The following TBL1X variants were observed in gnomAD, a reference collection of about 807,000 sequenced individuals.
The protein encoded by TBL1X is transducin beta like 1 X-linked, also known as F-box-like/WD repeat-containing protein TBL1X.
TBL1X carries 10 observed loss-of-function variants against 50.7 expected under a neutral mutation model. The observed-to-expected ratio is 0.20, with a 90% CI of 0.12 to 0.33. The LOEUF (loss-of-function observed/expected upper bound fraction) is 0.33. TBL1X is among the 10% of genes least tolerant of loss of function. TBL1X has a pLI of 1.00. For missense variants in TBL1X, 340 were observed against 504.4 expected, an observed-to-expected ratio of 0.67 and a Z score of 3.12; for synonymous variants, 190 against 214.7, an observed-to-expected ratio of 0.88 and a Z score of 1.01.
intron 1 of TBL1X, among the ~76,000 whole-genome samples, chrX:9,467,678 G>A (rs748357042): frequency 1.8e-5 from 2 of 110,310 alleles, no homozygotes; most frequent in Admixed American, 9.7e-5. Flanking sequence ...TTAGTTAGCC[G>A]GAGACTGGAC....
chrX:9,682,338 G>C (rs766159874), intron 5 of TBL1X, among the ~76,000 whole-genome samples: 1 of 112,009 alleles, frequency 8.9e-6, no homozygotes, highest in East Asian at 2.8e-4. Flanking sequence ...AACCTGGAAG[G>C]GCGTCCTTTG....
rs180990584 is a variant in TBL1X, at chrX:9,605,323, C to G, written c.-130-34950C>G. On this transcript the variant is annotated intron_variant, in intron 2 of 17. Coordinates refer to ENST00000645353, the MANE Select transcript of TBL1X (RefSeq NM_005647.4). ...GTATGATGTCACACTCATAAACAAGCTAAGCACACAAACTGGAATTTCACT... is the reference window on the plus strand; with the variant it reads ...GTATGATGTCACACTCATAAACAAGGTAAGCACACAAACTGGAATTTCACT... Among the ~76,000 whole-genome samples the G allele has an allele frequency of 3.3e-3, 366 of 112,221 alleles. 1 individual carries two copies. Among genetic ancestry groups the G allele is most frequent in the African/African-American group, 0.011 (352 of 30,909 alleles).
At chrX:9,528,421 C>T (rs1379315794) in intron 2 of TBL1X, among the ~76,000 whole-genome samples, 2 of 110,549 alleles carry the variant, frequency 1.8e-5, no homozygotes, top group African/African-American at 3.3e-5. Flanking sequence ...GGAGTTCTCC[C>T]GAGGCCCTGA....
chrX:9,605,188 T>C (rs1169763284), intron 2 of TBL1X, among the ~76,000 whole-genome samples: 1 of 110,641 alleles, frequency 9.0e-6, no homozygotes, highest in Non-Finnish European at 1.9e-5. Context: ...GTGGTGAAGA[T>C]AGGGGATATG....
intron 2 of TBL1X, among the ~76,000 whole-genome samples, chrX:9,579,202 G>A (rs1178679961): frequency 8.9e-6 from 1 of 112,125 alleles, no homozygotes; most frequent in East Asian, 2.8e-4. Context: ...TAAGAGTCTA[G>A]CTCCACAACA....
rs746179412 is a variant in TBL1X, at chrX:9,671,224, G to A, written c.212-12819G>A. 3.6e-5 allele frequency among the ~76,000 whole-genome samples: 4 copies of A among 112,586 alleles called. No homozygotes were observed. In the South Asian group the frequency reaches 1.1e-3, roughly 31 times the overall value. On this transcript the variant is annotated intron_variant, in intron 5 of 17. Transcript: ENST00000645353. ...AATCAGCAAGGGGAAAAGGCATAAG[G>A]CACGAAGTCCAGGTGAAACTAGGCA...
chrX:9,604,791 G>T (rs1050964336), intron 2 of TBL1X, among the ~76,000 whole-genome samples: 1 of 110,978 alleles, frequency 9.0e-6, no homozygotes, highest in African/African-American at 3.3e-5. Context: ...CACCAGCGGG[G>T]CTTCTGAGCC....
chrX:9,475,293 C>T (rs1055275281), intron 1 of TBL1X, among the ~76,000 whole-genome samples: 12 of 110,720 alleles, frequency 1.1e-4, no homozygotes, highest in African/African-American at 3.6e-4. Context: ...CTGGCTCTGT[C>T]GCCCAGGCTG....
chrX:9,630,606 TA>T lies in TBL1X; in HGVS notation c.-130-9666del, dbSNP rs201025029. ...TTGTATTGTTTTTATTTTTTAAAAA[TA>T]TTTTTTTTCTTTCTTTTTTTGACAC... is the stretch of plus-strand genomic sequence containing the variant. On this transcript the variant is annotated intron_variant, in intron 2 of 17. Coordinates refer to ENST00000645353, the MANE Select transcript of TBL1X (RefSeq NM_005647.4). 8.0e-3 allele frequency among the ~76,000 whole-genome samples: 900 copies of T among 112,660 alleles called. 11 individuals are homozygous for T. The highest frequency in any genetic ancestry group is 0.027 in the African/African-American group (848 of 31,029).
chrX:9,509,902 T>C (rs1300750302), intron 2 of TBL1X, among the ~76,000 whole-genome samples: 1 of 111,180 alleles, frequency 9.0e-6, no homozygotes, highest in Non-Finnish European at 1.9e-5. Flanking sequence ...GTTGGCTGTG[T>C]GTGTGGAGGG....
At chrX:9,516,989 T>C (rs183215163) in intron 2 of TBL1X, among the ~76,000 whole-genome samples, 2 of 111,883 alleles carry the variant, frequency 1.8e-5, no homozygotes, top group East Asian at 5.6e-4. Flanking sequence ...GTCTTGCTAT[T>C]TTGTTACAGC....
chrX:9,603,044 G>A (rs993999072), intron 2 of TBL1X, among the ~76,000 whole-genome samples: 1 of 112,532 alleles, frequency 8.9e-6, no homozygotes, highest in African/African-American at 3.2e-5. Flanking sequence ...CCTGGAAGGT[G>A]AGCATCAAAG....
chrX:9,617,854 A>G (rs2082646964), intron 2 of TBL1X, among the ~76,000 whole-genome samples: 1 of 112,061 alleles, frequency 8.9e-6, no homozygotes, highest in Non-Finnish European at 1.9e-5. Context: ...GAACAGTCAC[A>G]TTCTCATGGC....
chrX:9,498,504 G>A (rs894901103), intron 1 of TBL1X, among the ~76,000 whole-genome samples: 7 of 112,724 alleles, frequency 6.2e-5, no homozygotes, highest in African/African-American at 1.9e-4. Context: ...GATGTGCAGC[G>A]TGCAGCCCTG....
rs377087417 is a variant in TBL1X at position 9,713,718 on chromosome X, G to A, written c.1606-1184G>A. 1.3e-4 allele frequency among the ~76,000 whole-genome samples: 14 copies of A among 108,494 alleles called. No homozygotes were observed. In the South Asian group the frequency reaches 3.6e-3, roughly 28 times the overall value. 94.2% of individuals were successfully genotyped at this position (108,494 alleles called of 115,157 possible). Reference sequence around the variant, plus strand: ...GCTGGGATTACAGGCATGAGCCACCGCGCCCGGCCAAGAAATCCTTAGGAA... The same window carrying A: ...GCTGGGATTACAGGCATGAGCCACCACGCCCGGCCAAGAAATCCTTAGGAA... On this transcript the variant is annotated intron_variant, in intron 16 of 17. Coordinates refer to ENST00000645353, the MANE Select transcript of TBL1X (RefSeq NM_005647.4).
intron 2 of TBL1X, among the ~76,000 whole-genome samples, chrX:9,612,189 G>C (rs187166232): frequency 6.6e-4 from 74 of 112,133 alleles, no homozygotes; most frequent in African/African-American, 2.3e-3. Flanking sequence ...GTTTCACACT[G>C]GTCGGGGAGG....
Position 9,712,958 on chromosome X carries a change from G to A in TBL1X, c.1605+1182G>A, listed in dbSNP as rs777446381. ...GCCTCAGGAGGGGAGGAATCACACAGCCTTCCCCCTGCCCCCTTTCATCTG... is the reference window on the plus strand; with the variant it reads ...GCCTCAGGAGGGGAGGAATCACACAACCTTCCCCCTGCCCCCTTTCATCTG... On this transcript the variant is annotated intron_variant, in intron 16 of 17. Coordinates refer to ENST00000645353, the MANE Select transcript of TBL1X (RefSeq NM_005647.4). 4.2e-4 allele frequency among the ~76,000 whole-genome samples: 27 copies of A among 64,031 alleles called. No homozygotes were observed. In the East Asian group the frequency reaches 0.027, roughly 63 times the overall value. The allele number at this position is 64,031 out of a possible 115,157, so 55.6% of individuals were successfully genotyped here.
At chrX:9,671,139 C>T (rs2082958099) in intron 5 of TBL1X, among the ~76,000 whole-genome samples, 1 of 111,448 alleles carries the variant, frequency 9.0e-6, no homozygotes, top group African/African-American at 3.3e-5. Context: ...GCTGGAAGGG[C>T]TCACAGGACT....
At chrX:9,581,175 A>G (rs779690810) in intron 2 of TBL1X, among the ~76,000 whole-genome samples, 2 of 112,315 alleles carry the variant, frequency 1.8e-5, no homozygotes, top group Non-Finnish European at 3.8e-5. Flanking sequence ...TAGCTAAGTG[A>G]GAACCTCACA....
Sources: gnomAD v4.1 joint callset for allele counts (sites outside exome capture counted in the v4.1 genomes callset) on GRCh38, gnomAD v4.1.1 for gene constraint, MANE v1.5 for transcripts, NCBI Gene and HGNC (gene_info 2026-07-23, HGNC 2026-07-21) for gene names.